The following ANO4 variants were observed in gnomAD, a reference collection of about 807,000 sequenced individuals.
The protein encoded by ANO4 is anoctamin 4.
Under a neutral mutation model 141.9 loss-of-function variants are expected in ANO4, and 69 were observed. The observed-to-expected ratio is 0.49, with a 90% CI of 0.40 to 0.59. The LOEUF (loss-of-function observed/expected upper bound fraction) is 0.59. Ranked by LOEUF, ANO4 falls within the 20% of genes least tolerant of loss-of-function variation. The probability of loss-of-function intolerance (pLI) is 0.00; values close to 1 mark genes in which losing one functional copy is unlikely to be tolerated. For synonymous variants in ANO4, 350 were observed against 394.3 expected (o/e 0.89, Z 1.33); for missense variants, 894 against 1,162.2 (o/e 0.77, Z 3.36).
chr12:100,869,432 G>C (rs1425650018), intron 1 of ANO4, among the ~76,000 whole-genome samples: 1 of 152,186 alleles, frequency 6.6e-6, no homozygotes, highest in Non-Finnish European at 1.5e-5. Flanking sequence ...GTTCTTCTTA[G>C]ACAGGGAGGA....
chr12:100,944,495 C>T (rs533530162), intron 5 of ANO4, among the ~76,000 whole-genome samples: 1 of 152,160 alleles, frequency 6.6e-6, no homozygotes, highest in Admixed American at 6.5e-5. Context: ...TTTCCCCCCT[C>T]CCCACTTTCC....
At chr12:100,819,890 A>G (rs1230914087) in intron 1 of ANO4, among the ~76,000 whole-genome samples, 1 of 151,992 alleles carries the variant, frequency 6.6e-6, no homozygotes, top group Non-Finnish European at 1.5e-5. Context: ...CTCCATGCAC[A>G]CTTGAATCAC....
At chr12:100,870,924 T>C (rs768788662) in intron 1 of ANO4, among the ~76,000 whole-genome samples, 5 of 152,222 alleles carry the variant, frequency 3.3e-5, no homozygotes, top group Non-Finnish European at 7.3e-5. Flanking sequence ...GATGTGTCCT[T>C]ATTTATCTGG....
chr12:100,900,163 A>G (rs2040524953), intron 1 of ANO4, among the ~76,000 whole-genome samples: 2 of 152,210 alleles, frequency 1.3e-5, no homozygotes, highest in African/African-American at 4.8e-5. Flanking sequence ...TACAGGTGTC[A>G]GGAATAGTAA....
intron 3 of ANO4, among the ~76,000 whole-genome samples, chr12:100,926,253 C>T (rs1039173673): frequency 2.6e-5 from 4 of 152,216 alleles, no homozygotes; most frequent in African/African-American, 9.6e-5. Context: ...AATACATTTA[C>T]AGTATTTTAT....
chr12:100,966,966 A>T (rs1043269885), intron 5 of ANO4, among the ~76,000 whole-genome samples: 6 of 151,948 alleles, frequency 3.9e-5, no homozygotes, highest in Non-Finnish European at 7.4e-5. Context: ...AGATAGTGGC[A>T]TGGCATTTCT....
rs757392951 is a variant in ANO4, at chr12:101,096,546, C to T, written c.1749C>T (p.Arg583=). ...ACCTTTTGTCCACAGAACAGCCTCG[C>T]ACAGAGTCTGAGTGGGAGAACAGCT... ...ALLLTNLEQP[R]TESEWENSFT... is the part of the protein sequence containing the mutation. Residue 583 remains arginine (R), a synonymous_variant, in exon 19 of 28, where the codon CGC becomes CGT. Transcript: ENST00000392977. 2.5e-6 allele frequency: 4 copies of T among 1,613,200 alleles called. No homozygotes were observed. The highest frequency in any genetic ancestry group is 2.7e-5 in the African/African-American group (2 of 74,988).
At chr12:100,766,457 T>C (rs2033085774) in intron 3 of ANO4, among the ~76,000 whole-genome samples, 1 of 152,166 alleles carries the variant, frequency 6.6e-6, no homozygotes, top group Non-Finnish European at 1.5e-5. Context: ...TACATTTGTC[T>C]CAAGATATTT....
intron 5 of ANO4, among the ~76,000 whole-genome samples, chr12:100,964,572 T>C (rs2043569304): frequency 6.6e-6 from 1 of 152,152 alleles, no homozygotes; most frequent in South Asian, 2.1e-4. Flanking sequence ...ACAGTATAGT[T>C]ATGAGAAAGT....
intron 14 of ANO4, among the ~76,000 whole-genome samples, chr12:101,060,351 A>G (rs989504878): frequency 6.6e-6 from 1 of 152,192 alleles, no homozygotes; most frequent in African/African-American, 2.4e-5. Flanking sequence ...AAGAATGTAT[A>G]TTCTGTTGAT....
chr12:100,725,191 A>G (rs1439790731), intron 1 of ANO4, among the ~76,000 whole-genome samples: 1 of 152,050 alleles, frequency 6.6e-6, no homozygotes, highest in African/African-American at 2.4e-5. Context: ...ATATGTTTTG[A>G]AAGGTTTAAT....
intron 17 of ANO4, 122 bp downstream of exon 17, chr12:101,086,946 C>A: frequency 8.7e-7 from 1 of 1,154,812 alleles, no homozygotes; most frequent in Non-Finnish European, 1.2e-6. Context: ...GCACTGATGT[C>A]CTGGCAGCGA....
intron 1 of ANO4, among the ~76,000 whole-genome samples, chr12:100,880,148 A>G (rs2039498583): frequency 6.6e-6 from 1 of 152,190 alleles, no homozygotes; most frequent in African/African-American, 2.4e-5. Flanking sequence ...AGGTATGGAC[A>G]GAATTGAGAA....
chr12:100,769,089 A>T (rs1222207861), intron 3 of ANO4, among the ~76,000 whole-genome samples: 1 of 152,236 alleles, frequency 6.6e-6, no homozygotes, highest in African/African-American at 2.4e-5. Context: ...AACCTATTTT[A>T]AAAAAACCTA....
At chr12:100,799,407 C>T (rs748549542) in intron 1 of ANO4, among the ~76,000 whole-genome samples, 18 of 152,124 alleles carry the variant, frequency 1.2e-4, no homozygotes, top group African/African-American at 1.9e-4. Flanking sequence ...TGATGACTAT[C>T]TGCTTATCCT....
At chr12:100,974,324 T>G (rs569916740) in intron 6 of ANO4, among the ~76,000 whole-genome samples, 1 of 152,212 alleles carries the variant, frequency 6.6e-6, no homozygotes, top group South Asian at 2.1e-4. Context: ...GACAAGTGAG[T>G]GTCCTTCCCA....
chr12:100,949,287 C>G (rs2042874184), intron 5 of ANO4, among the ~76,000 whole-genome samples: 1 of 152,094 alleles, frequency 6.6e-6, no homozygotes, highest in South Asian at 2.1e-4. Context: ...AGCCTCCAAG[C>G]CTATAGTAAT....
chr12:101,083,812 T>G lies in ANO4; in HGVS notation c.1530T>G (p.Phe510Leu). ...TTATCGTTTCTGCATCTGGAATATT[T>G]TTTATGGTTTGAAACTTTTAAAAAA... ...SRLIVSASGI[F>L]FMICVVIAAV... Residue 510 changes from phenylalanine (F) to leucine (L), a missense_variant, in exon 16 of 28, where the codon TTT becomes TTG. By Grantham distance (22) the Phe-to-Leu change is conservative. Transcript: ENST00000392977. The G allele has an allele frequency of 6.4e-7, 1 of 1,560,462 alleles. No individual in the cohort carries two copies. The highest frequency in any genetic ancestry group is 1.4e-5 in the African/African-American group (1 of 71,316).
chr12:101,009,354 T>G (rs754273206), intron 8 of ANO4, among the ~76,000 whole-genome samples: 29 of 152,208 alleles, frequency 1.9e-4, no homozygotes, highest in Non-Finnish European at 3.8e-4. Context: ...ACTTTCAGCC[T>G]CCAGAACTGT....
Sources: allele counts gnomAD v4.1 joint callset (sites outside exome capture counted in the v4.1 genomes callset), GRCh38; gene constraint gnomAD v4.1.1; transcripts MANE v1.5; gene names NCBI Gene and HGNC (gene_info 2026-07-23, HGNC 2026-07-21).